The following SEMA3C variants were observed in gnomAD, a reference collection of about 807,000 sequenced individuals.
SEMA3C encodes semaphorin-3C.
In SEMA3C, 47 loss-of-function variants were observed where a neutral mutation model predicts 89.4. That is an observed-to-expected ratio of 0.53 (90% CI 0.42 to 0.67). The LOEUF (loss-of-function observed/expected upper bound fraction) is 0.67. Ranked by LOEUF, SEMA3C falls within the 30% of genes least tolerant of loss-of-function variation. The pLI is 0.00. For synonymous variants in SEMA3C, 310 were observed against 320.2 expected (o/e 0.97, Z 0.34); for missense variants, 839 against 929.1 (o/e 0.90, Z 1.26).
intron 2 of SEMA3C, among the ~76,000 whole-genome samples, chr7:80,854,429 G>C (rs1000984297): frequency 6.6e-6 from 1 of 152,104 alleles, no homozygotes; most frequent in African/African-American, 2.4e-5. Flanking sequence ...AAACAGCATA[G>C]GTATACCTCC....
chr7:80,815,801 G>C (rs1480726061), intron 5 of SEMA3C: 2 of 152,010 alleles, frequency 1.3e-5, no homozygotes, highest in East Asian at 3.9e-4. Context: ...TCAGTCTAAG[G>C]TAAAGTTATC....
chr7:80,838,067 T>C (rs1366532152), intron 2 of SEMA3C, among the ~76,000 whole-genome samples: 1 of 152,172 alleles, frequency 6.6e-6, no homozygotes, highest in African/African-American at 2.4e-5. Flanking sequence ...CATAAACCAA[T>C]CAAATGGAAA....
chr7:80,893,148 C>T (rs912522141), intron 2 of SEMA3C, among the ~76,000 whole-genome samples: 6 of 152,078 alleles, frequency 3.9e-5, no homozygotes, highest in African/African-American at 1.4e-4. Context: ...ATTTATATTG[C>T]TTTCCTTATC....
At chr7:80,783,104 G>A (rs4731811) in intron 12 of SEMA3C, among the ~76,000 whole-genome samples, 4,124 of 152,024 alleles carry the variant, frequency 0.027, 114 homozygotes, top group Admixed American at 0.075. Flanking sequence ...AAAATAACAG[G>A]TCTCTGAAGA....
chr7:80,863,705 G>GATATATAT (rs1167475009), intron 2 of SEMA3C, among the ~76,000 whole-genome samples: 2 of 145,998 alleles, frequency 1.4e-5, no homozygotes, highest in East Asian at 4.0e-4. Context: ...ATATATATGT[G>GATATATAT]ATATATATAT....
At chr7:80,750,530 C>T (rs929355823) in intron 16 of SEMA3C, among the ~76,000 whole-genome samples, 2 of 139,974 alleles carry the variant, frequency 1.4e-5, no homozygotes, top group Admixed American at 7.4e-5. Context: ...TATATATGCA[C>T]ACATGATAAA....
intron 2 of SEMA3C, among the ~76,000 whole-genome samples, chr7:80,872,021 T>C (rs1307376169): frequency 6.6e-6 from 1 of 152,232 alleles, no homozygotes; most frequent in Non-Finnish European, 1.5e-5. Context: ...CTTTAATTTT[T>C]CTGCATGATA....
At chr7:80,919,533 C>T (rs1010721949), upstream of SEMA3C, among the ~76,000 whole-genome samples, 8 of 151,112 alleles carry the variant, frequency 5.3e-5, 1 homozygote, top group South Asian at 1.7e-3. Context: ...TTTAAAAGGA[C>T]GTGAGTTTTG....
At chr7:80,891,456 A>C (rs1458122051) in intron 2 of SEMA3C, among the ~76,000 whole-genome samples, 1 of 152,096 alleles carries the variant, frequency 6.6e-6, no homozygotes, top group Non-Finnish European at 1.5e-5. Flanking sequence ...TGAGAAATGA[A>C]CTTTATCCAT....
chr7:80,855,940 T>C (rs1230883146), intron 2 of SEMA3C, among the ~76,000 whole-genome samples: 2 of 152,162 alleles, frequency 1.3e-5, no homozygotes, highest in Non-Finnish European at 2.9e-5. Context: ...GGCAAGGAGT[T>C]AGCAGTCTCA....
chr7:80,869,319 T>C (rs933517394), intron 2 of SEMA3C, among the ~76,000 whole-genome samples: 1 of 152,206 alleles, frequency 6.6e-6, no homozygotes, highest in African/African-American at 2.4e-5. Context: ...AGCATCTCAT[T>C]ACAAGACAAG....
intron 12 of SEMA3C, among the ~76,000 whole-genome samples, chr7:80,771,970 A>G (rs1788444325): frequency 6.6e-6 from 1 of 152,208 alleles, no homozygotes; most frequent in Non-Finnish European, 1.5e-5. Context: ...ATTAATTTAA[A>G]GTACTATTAT....
At chr7:80,837,303 C>A (rs540689727) in intron 2 of SEMA3C, among the ~76,000 whole-genome samples, 1 of 152,120 alleles carries the variant, frequency 6.6e-6, no homozygotes, top group African/African-American at 2.4e-5. Context: ...CGAGAATTAC[C>A]GTATTTTGTG....
At chr7:80,854,138 G>A (rs1393513142) in intron 2 of SEMA3C, among the ~76,000 whole-genome samples, 2 of 152,244 alleles carry the variant, frequency 1.3e-5, no homozygotes, top group East Asian at 3.9e-4. Flanking sequence ...AATACATTAT[G>A]TGTTTTAGGT....
intron 4 of SEMA3C, among the ~76,000 whole-genome samples, chr7:80,820,798 A>G (rs1212789673): frequency 6.6e-6 from 1 of 152,190 alleles, no homozygotes; most frequent in Non-Finnish European, 1.5e-5. Context: ...TGTCTATGTA[A>G]AGGGAATCTA....
intron 2 of SEMA3C, among the ~76,000 whole-genome samples, chr7:80,894,919 T>C (rs1791697488): frequency 6.6e-6 from 1 of 152,168 alleles, no homozygotes; most frequent in Admixed American, 6.5e-5. Context: ...GTAGCCAAGA[T>C]TCTTCATCTC....
chr7:80,765,277 A>T (rs1583856329), intron 12 of SEMA3C, 34 bp from the exon 13 acceptor site: 2 of 1,485,784 alleles, frequency 1.3e-6, no homozygotes, highest in East Asian at 4.5e-5. Flanking sequence ...AGATGTTACA[A>T]TACTTTTTAA....
At chr7:80,895,808 T>C (rs1791720752) in intron 2 of SEMA3C, among the ~76,000 whole-genome samples, 2 of 152,134 alleles carry the variant, frequency 1.3e-5, no homozygotes, top group Non-Finnish European at 2.9e-5. Flanking sequence ...AAAATTAAGG[T>C]GATGATTCAA....
At chr7:80,749,866 C>T (rs1787885745) in intron 16 of SEMA3C, among the ~76,000 whole-genome samples, 1 of 152,058 alleles carries the variant, frequency 6.6e-6, no homozygotes, top group South Asian at 2.1e-4. Flanking sequence ...GACACAAAGT[C>T]AGCATCAATA....
Sources: gnomAD v4.1 joint callset for allele counts (sites outside exome capture counted in the v4.1 genomes callset) on GRCh38, gnomAD v4.1.1 for gene constraint, MANE v1.5 for transcripts, NCBI Gene and HGNC (gene_info 2026-07-23, HGNC 2026-07-21) for gene names.